The following PHTF2 variants were observed in gnomAD, a reference collection of about 807,000 sequenced individuals.
PHTF2 encodes protein PHTF2.
In PHTF2, 60 loss-of-function variants were observed where a neutral mutation model predicts 101.2. The observed-to-expected ratio is 0.59, with a 90% CI of 0.48 to 0.73. The LOEUF (loss-of-function observed/expected upper bound fraction) is 0.73, where lower values mean the gene tolerates loss of function less well. PHTF2 is among the 30% of genes least tolerant of loss of function. The probability of loss-of-function intolerance (pLI) is 0.00; values close to 1 mark genes in which losing one functional copy is unlikely to be tolerated. For synonymous variants in PHTF2, 311 were observed against 307.3 expected, an observed-to-expected ratio of 1.01 and a Z score of -0.13; for missense variants, 747 against 908.7, an observed-to-expected ratio of 0.82 and a Z score of 2.29.
chr7:77,935,891 A>C (rs1023164038), intron 12 of PHTF2, among the ~76,000 whole-genome samples: 11 of 152,200 alleles, frequency 7.2e-5, no homozygotes, highest in Non-Finnish European at 8.8e-5. Flanking sequence ...CCTTACGCTT[A>C]ACAATTGTAA....
At chr7:77,819,247 T>A (rs1428291913) in intron 1 of PHTF2, among the ~76,000 whole-genome samples, 2 of 152,214 alleles carry the variant, frequency 1.3e-5, no homozygotes, top group African/African-American at 4.8e-5. Flanking sequence ...GACTAATTGC[T>A]CCAACTAGGA....
At chr7:77,874,161 A>G (rs910497998) in intron 3 of PHTF2, among the ~76,000 whole-genome samples, 3 of 152,170 alleles carry the variant, frequency 2.0e-5, no homozygotes, top group Non-Finnish European at 4.4e-5. Context: ...AGGAGTGTCA[A>G]ATGCATTTAT....
chr7:77,884,695 G>A (rs1185416797), intron 3 of PHTF2, among the ~76,000 whole-genome samples: 2 of 152,052 alleles, frequency 1.3e-5, no homozygotes, highest in Non-Finnish European at 2.9e-5. Context: ...TCAGGAGTTC[G>A]AGACCAGCCT....
intron 2 of PHTF2, among the ~76,000 whole-genome samples, chr7:77,841,889 TTTCCTAA>T (rs1795913648): frequency 6.6e-6 from 1 of 152,194 alleles, no homozygotes; most frequent in South Asian, 2.1e-4. Context: ...AGTTTTTCTC[TTTCCTAA>T]TTTCTATCTA....
intron 3 of PHTF2, among the ~76,000 whole-genome samples, chr7:77,868,220 G>A (rs1798224038): frequency 6.6e-6 from 1 of 151,046 alleles, no homozygotes; most frequent in Non-Finnish European, 1.5e-5. Flanking sequence ...ATAGCTCAAT[G>A]CAGCCTCCAA....
intron 12 of PHTF2, among the ~76,000 whole-genome samples, chr7:77,935,323 C>T (rs1167171308): frequency 6.7e-6 from 1 of 148,534 alleles, no homozygotes; most frequent in Non-Finnish European, 1.5e-5. Flanking sequence ...CCCGGGTTCA[C>T]GCCATTCTCT....
intron 1 of PHTF2, among the ~76,000 whole-genome samples, chr7:77,831,503 C>T (rs1445870326): frequency 1.3e-5 from 2 of 152,122 alleles, no homozygotes; most frequent in East Asian, 1.9e-4. Context: ...TATTGAGGCA[C>T]AATTGTTAGG....
intron 1 of PHTF2, among the ~76,000 whole-genome samples, chr7:77,837,855 T>A (rs1245771736): frequency 3.3e-5 from 5 of 152,270 alleles, no homozygotes; most frequent in Admixed American, 6.5e-5. Context: ...ATATTAAATA[T>A]CTGATATGTT....
chr7:77,871,277 T>G (rs1798495762), intron 3 of PHTF2, among the ~76,000 whole-genome samples: 1 of 152,234 alleles, frequency 6.6e-6, no homozygotes, highest in Non-Finnish European at 1.5e-5. Context: ...ATCTTGTGTA[T>G]TCCATGAATA....
At chr7:77,908,770 A>G in intron 7 of PHTF2, 23 bp from the exon 7 acceptor site, 2 of 1,478,566 alleles carry the variant, frequency 1.4e-6, no homozygotes, top group Non-Finnish European at 1.8e-6. Context: ...ATAATTAAGC[A>G]TATTTTCTTT....
At chr7:77,827,595 A>T (rs1480336566) in intron 1 of PHTF2, among the ~76,000 whole-genome samples, 2 of 151,822 alleles carry the variant, frequency 1.3e-5, no homozygotes, top group Non-Finnish European at 2.9e-5. Flanking sequence ...TTCATGATCT[A>T]CCTGCCTTGG....
At chr7:77,885,364 G>A (rs1284761510) in intron 3 of PHTF2, among the ~76,000 whole-genome samples, 2 of 152,130 alleles carry the variant, frequency 1.3e-5, no homozygotes, top group African/African-American at 4.8e-5. Context: ...TGCCTTGCAA[G>A]GTGCTCATAT....
rs562687904 is a variant in PHTF2 at position 77,943,890 on chromosome 7, C to T, written c.1959+1104C>T. Among the ~76,000 whole-genome samples, 8 of 152,014 alleles carry T rather than the reference C, an allele frequency of 5.3e-5. No individual in the cohort carries two copies. In the South Asian group the frequency reaches 1.5e-3, roughly 28 times the overall value. Reference sequence around the variant, plus strand: ...AAAATTAGCCGGGCATGGTGGTAGGCGCCTGTAATCCCAGCTATTCAGGAG... The same window carrying T: ...AAAATTAGCCGGGCATGGTGGTAGGTGCCTGTAATCCCAGCTATTCAGGAG... On this transcript the variant is annotated intron_variant, in intron 16 of 19. Transcript: ENST00000416283.
intron 1 of PHTF2, among the ~76,000 whole-genome samples, chr7:77,803,546 T>C (rs1014359241): frequency 4.6e-5 from 7 of 152,222 alleles, no homozygotes; most frequent in Non-Finnish European, 7.4e-5. Flanking sequence ...TTCAGTTTTA[T>C]TTATTCTTTA....
At chr7:77,855,652 C>G (rs911918622) in intron 3 of PHTF2, among the ~76,000 whole-genome samples, 4 of 152,180 alleles carry the variant, frequency 2.6e-5, no homozygotes, top group Non-Finnish European at 4.4e-5. Flanking sequence ...AACGCAGTTT[C>G]TGACTGCTTG....
chr7:77,816,337 A>C (rs533943640), intron 1 of PHTF2, among the ~76,000 whole-genome samples: 41 of 152,280 alleles, frequency 2.7e-4, no homozygotes, highest in African/African-American at 9.9e-4. Flanking sequence ...GGCCTCCCAA[A>C]GTGCTGGGAT....
At chr7:77,820,370 T>C (rs975893871) in intron 1 of PHTF2, among the ~76,000 whole-genome samples, 9 of 152,168 alleles carry the variant, frequency 5.9e-5, no homozygotes, top group Non-Finnish European at 8.8e-5. Context: ...GTTTTGTTTT[T>C]TTAGACAGGG....
intron 7 of PHTF2, among the ~76,000 whole-genome samples, chr7:77,905,060 TTTC>T (rs1801733495): frequency 6.6e-6 from 1 of 152,168 alleles, no homozygotes; most frequent in African/African-American, 2.4e-5. Context: ...GCCCCAGACA[TTTC>T]TTCTTGCAGT....
intron 2 of PHTF2, among the ~76,000 whole-genome samples, chr7:77,846,283 T>G (rs1796275689): frequency 6.6e-6 from 1 of 152,194 alleles, no homozygotes; most frequent in Admixed American, 6.5e-5. Context: ...TCTGTTTCCC[T>G]TGCCAGTGAC....
Sources: gnomAD v4.1 joint callset for allele counts (sites outside exome capture counted in the v4.1 genomes callset) on GRCh38, gnomAD v4.1.1 for gene constraint, MANE v1.5 for transcripts, NCBI Gene and HGNC (gene_info 2026-07-23, HGNC 2026-07-21) for gene names.